Variants in COLEC12 observed in about 807,000 individuals in gnomAD.
The protein encoded by COLEC12 is collectin-12.
A neutral mutation model predicts 71.1 loss-of-function variants in COLEC12; 33 were observed. The ratio of observed to expected loss-of-function variants is 0.46; its 90% CI spans 0.35 to 0.62. COLEC12 has a LOEUF of 0.62. Ranked by LOEUF, COLEC12 falls within the 20% of genes least tolerant of loss-of-function variation. The pLI is 0.00. For synonymous variants in COLEC12, 350 were observed against 353.0 expected, an observed-to-expected ratio of 0.99 and a Z score of 0.10; for missense variants, 765 against 916.1, an observed-to-expected ratio of 0.84 and a Z score of 2.13.
chr18:370,620 A>G (rs959514383), intron 2 of COLEC12, among the ~76,000 whole-genome samples: 3 of 152,236 alleles, frequency 2.0e-5, no homozygotes, highest in Non-Finnish European at 2.9e-5. Context: ...CTGTGAGTTC[A>G]TTGCTTATTA....
intron 3 of COLEC12, among the ~76,000 whole-genome samples, chr18:355,203 T>C (rs560581933): frequency 1.3e-4 from 20 of 152,166 alleles, no homozygotes; most frequent in Non-Finnish European, 2.5e-4. Flanking sequence ...TCATGGAAAC[T>C]CGTAGTTTGG....
intron 2 of COLEC12, among the ~76,000 whole-genome samples, chr18:390,106 G>A (rs1373930131): frequency 6.6e-6 from 1 of 152,182 alleles, no homozygotes; most frequent in Non-Finnish European, 1.5e-5. Context: ...ATTTCACAGT[G>A]CCATCTCAAC....
At chr18:374,008 C>A (rs1201387011) in intron 2 of COLEC12, among the ~76,000 whole-genome samples, 1 of 152,212 alleles carries the variant, frequency 6.6e-6, no homozygotes, top group East Asian at 1.9e-4. Context: ...GGCTTCCAAA[C>A]ACCTAAGTCC....
chr18:419,519 A>C (rs999860373), intron 2 of COLEC12, among the ~76,000 whole-genome samples: 1 of 152,178 alleles, frequency 6.6e-6, no homozygotes, highest in Admixed American at 6.5e-5. Context: ...ATATATTTTA[A>C]ATGATACAGA....
intron 2 of COLEC12, among the ~76,000 whole-genome samples, chr18:393,692 G>A (rs926234943): frequency 2.0e-5 from 3 of 152,114 alleles, no homozygotes; most frequent in Admixed American, 6.5e-5. Flanking sequence ...ATCTGTGCCC[G>A]TGTGGCCTTT....
intron 2 of COLEC12, among the ~76,000 whole-genome samples, chr18:376,527 G>A (rs2143549158): frequency 6.6e-6 from 1 of 152,296 alleles, no homozygotes; most frequent in South Asian, 2.1e-4. Context: ...CAGACTGCAT[G>A]AGTTTCCTTT....
At chr18:444,337 CT>C (rs1474852356) in intron 2 of COLEC12, among the ~76,000 whole-genome samples, 1 of 152,068 alleles carries the variant, frequency 6.6e-6, no homozygotes, top group Non-Finnish European at 1.5e-5. Flanking sequence ...TTATACCATA[CT>C]TTGGAGATCA....
chr18:453,416 G>A (rs569715683), intron 2 of COLEC12, among the ~76,000 whole-genome samples: 1 of 152,278 alleles, frequency 6.6e-6, no homozygotes, highest in South Asian at 2.1e-4. Flanking sequence ...CCCCTGACCA[G>A]CATCCCCACC....
At chr18:494,501 C>T (rs1457061532) in intron 1 of COLEC12, among the ~76,000 whole-genome samples, 1 of 152,106 alleles carries the variant, frequency 6.6e-6, no homozygotes, top group Non-Finnish European at 1.5e-5. Flanking sequence ...GAAACTGGGG[C>T]CCCAGGGGGT....
At chr18:348,450 A>T (rs777001975) in intron 3 of COLEC12, among the ~76,000 whole-genome samples, 1 of 152,148 alleles carries the variant, frequency 6.6e-6, no homozygotes, top group South Asian at 2.1e-4. Context: ...TAATTTAAAA[A>T]TTTTCATGCA....
At chr18:441,936 G>A (rs1394045093) in intron 2 of COLEC12, among the ~76,000 whole-genome samples, 1 of 144,840 alleles carries the variant, frequency 6.9e-6, no homozygotes, top group African/African-American at 2.8e-5. Flanking sequence ...GGAGCTTGAG[G>A]CTGCAGTGAG....
At chr18:414,796 G>T in intron 2 of COLEC12, among the ~76,000 whole-genome samples, 1 of 152,142 alleles carries the variant, frequency 6.6e-6, no homozygotes, top group East Asian at 1.9e-4. Context: ...CTTGTTCTCA[G>T]ACACCCAGCC....
intron 7 of COLEC12, among the ~76,000 whole-genome samples, chr18:332,267 T>C (rs1408866688): frequency 6.6e-6 from 1 of 152,208 alleles, no homozygotes; most frequent in Non-Finnish European, 1.5e-5. Flanking sequence ...AGGTGCTTGG[T>C]CACTGTCTGC....
intron 3 of COLEC12, among the ~76,000 whole-genome samples, chr18:351,024 C>A (rs539282633): frequency 3.2e-4 from 49 of 151,284 alleles, no homozygotes; most frequent in African/African-American, 1.1e-3. Flanking sequence ...TATGAGCCAA[C>A]GGATCTAATT....
chr18:444,056 G>A (rs1460762127), intron 2 of COLEC12, among the ~76,000 whole-genome samples: 1 of 152,108 alleles, frequency 6.6e-6, no homozygotes, highest in Non-Finnish European at 1.5e-5. Flanking sequence ...ACAACCATGA[G>A]CCAATTAAAC....
intron 8 of COLEC12, among the ~76,000 whole-genome samples, chr18:328,330 T>C (rs921071973): frequency 6.6e-6 from 1 of 151,954 alleles, no homozygotes; most frequent in Non-Finnish European, 1.5e-5. Context: ...GGAGGAGACA[T>C]ATTTGGGGCG....
At position 500,689 on chromosome 18, in the gene COLEC12, T is replaced by C. The variant is rs1349750650; in HGVS notation, c.-175A>G. The C allele has an allele frequency of 1.2e-5, 3 of 258,174 alleles. No individual in the cohort carries two copies. The highest frequency in any genetic ancestry group is 1.9e-5 in the Non-Finnish European group (3 of 161,868). 16.0% of individuals were successfully genotyped at this position (258,174 alleles called of 1,614,324 possible). A position where few individuals can be genotyped will look rare whatever the true frequency, so the allele number is the denominator to read the frequency against. ...GGCCCGCGCTCCCCGCGCTCCCGGC[T>C]CCGCGCTCTGCTGCCTCGGGGCTGC... is the stretch of plus-strand genomic sequence containing the variant. On this transcript the variant is annotated 5_prime_UTR_variant, in exon 1 of 10. Transcript: ENST00000400256. The surrounding 1 kb of genome is among the most constrained non-coding windows in gnomAD (Gnocchi z 5.3).
intron 3 of COLEC12, among the ~76,000 whole-genome samples, chr18:349,348 G>A (rs1404319475): frequency 2.0e-5 from 3 of 152,248 alleles, no homozygotes; most frequent in Admixed American, 6.5e-5. Context: ...TGTTGAGCCT[G>A]TGAGTGCACA....
At chr18:488,310 C>T (rs1917556966) in intron 1 of COLEC12, among the ~76,000 whole-genome samples, 1 of 151,968 alleles carries the variant, frequency 6.6e-6, no homozygotes, top group African/African-American at 2.4e-5. Context: ...ACTAGGGAGG[C>T]TGAGGCAGGA....
Sources: allele counts gnomAD v4.1 joint callset (sites outside exome capture counted in the v4.1 genomes callset), GRCh38; gene constraint gnomAD v4.1.1; non-coding constraint Gnocchi (gnomAD v3.1); transcripts MANE v1.5; gene names NCBI Gene and HGNC (gene_info 2026-07-23, HGNC 2026-07-21).